Variants in SUGCT observed in about 807,000 individuals in gnomAD.
SUGCT encodes the protein succinyl-CoA:glutarate-CoA transferase.
SUGCT carries 41 observed loss-of-function variants against 55.0 expected under a neutral mutation model. The ratio of observed to expected loss-of-function variants is 0.74; its 90% CI spans 0.58 to 0.97. The LOEUF (loss-of-function observed/expected upper bound fraction) is 0.97, where lower values mean the gene tolerates loss of function less well. SUGCT is among the 50% of genes least tolerant of loss of function. The pLI, the probability that SUGCT is intolerant of heterozygous loss-of-function variation, is 0.00. For missense variants in SUGCT, 568 were observed against 547.8 expected (o/e 1.04, Z -0.37); for synonymous variants, 187 against 200.4 (o/e 0.93, Z 0.56).
chr7:40,347,205 A>G (rs1276814425), intron 9 of SUGCT, among the ~76,000 whole-genome samples: 3 of 152,214 alleles, frequency 2.0e-5, no homozygotes, highest in East Asian at 1.9e-4. Context: ...AAGAATGAGG[A>G]GAGCTGGAGA....
intron 12 of SUGCT, among the ~76,000 whole-genome samples, chr7:40,530,311 C>A (rs561699078): frequency 1.3e-5 from 2 of 152,044 alleles, no homozygotes; most frequent in South Asian, 2.1e-4. Flanking sequence ...TTTTTCCATG[C>A]CTTCACTGTT....
intron 13 of SUGCT, among the ~76,000 whole-genome samples, chr7:40,790,246 A>T (rs1790243275): frequency 6.6e-6 from 1 of 152,068 alleles, no homozygotes; most frequent in South Asian, 2.1e-4. Context: ...TTCTCACCAG[A>T]TCTGAATGTT....
At chr7:40,924,265 C>CGTGTGTAT in the SUGCT span, among the ~76,000 whole-genome samples, 67 of 136,018 alleles carry the variant, frequency 4.9e-4, 1 homozygote, top group East Asian at 4.8e-3. Flanking sequence ...CTTTCAATTA[C>CGTGTGTAT]GTGTGTGTGT....
chr7:40,368,042 C>T (rs1345436158), intron 9 of SUGCT, among the ~76,000 whole-genome samples: 1 of 152,204 alleles, frequency 6.6e-6, no homozygotes, highest in Non-Finnish European at 1.5e-5. Context: ...TAGAGCACTT[C>T]CAGCACCCCT....
chr7:40,701,639 A>G (rs1194578227), intron 12 of SUGCT, among the ~76,000 whole-genome samples: 3 of 152,232 alleles, frequency 2.0e-5, no homozygotes, highest in African/African-American at 2.4e-5. Flanking sequence ...GCACTGATAG[A>G]AGGTGAATTT....
intron 13 of SUGCT, among the ~76,000 whole-genome samples, chr7:40,773,216 C>T (rs1045927385): frequency 1.3e-5 from 2 of 151,290 alleles, no homozygotes; most frequent in Admixed American, 6.6e-5. Context: ...GCAACTTCCA[C>T]CTCCTGGGTT....
chr7:40,232,728 A>G (rs771988650), intron 6 of SUGCT, among the ~76,000 whole-genome samples: 7 of 152,198 alleles, frequency 4.6e-5, no homozygotes, highest in Non-Finnish European at 8.8e-5. Context: ...ATGCCACAAG[A>G]TGGCGAGGTT....
chr7:40,330,112 T>G (rs1796230698), intron 9 of SUGCT, among the ~76,000 whole-genome samples: 1 of 152,206 alleles, frequency 6.6e-6, no homozygotes, highest in Admixed American at 6.5e-5. Context: ...CATACAGATT[T>G]GATCTCCGTA....
intron 12 of SUGCT, among the ~76,000 whole-genome samples, chr7:40,658,687 G>A (rs1238607626): frequency 6.6e-6 from 1 of 152,162 alleles, no homozygotes; most frequent in Admixed American, 6.5e-5. Flanking sequence ...CTTGGGATAG[G>A]CTTACAATTA....
intron 7 of SUGCT, among the ~76,000 whole-genome samples, chr7:40,243,272 C>T (rs2150899789): frequency 6.6e-6 from 1 of 151,884 alleles, no homozygotes; most frequent in African/African-American, 2.4e-5. Context: ...AATATTGGCA[C>T]AGTTAAACAT....
At chr7:40,973,805 T>G in the SUGCT span, among the ~76,000 whole-genome samples, 14 of 152,212 alleles carry the variant, frequency 9.2e-5, no homozygotes, top group Admixed American at 5.2e-4. Context: ...GCCCTTGTAT[T>G]TTATTTATAT....
intron 9 of SUGCT, among the ~76,000 whole-genome samples, chr7:40,424,814 G>GT (rs1271144400): frequency 6.6e-6 from 1 of 151,938 alleles, no homozygotes; most frequent in Admixed American, 6.6e-5. Flanking sequence ...CTGAGGATTG[G>GT]TTTTTTTATG....
At chr7:40,146,580 C>T (rs779754636) in intron 1 of SUGCT, among the ~76,000 whole-genome samples, 1 of 152,226 alleles carries the variant, frequency 6.6e-6, no homozygotes, top group Admixed American at 6.5e-5. Flanking sequence ...TGGGCTCTGG[C>T]TAGTTATCTG....
intron 13 of SUGCT, among the ~76,000 whole-genome samples, chr7:40,766,222 C>T (rs2128723950): frequency 6.6e-6 from 1 of 152,194 alleles, no homozygotes; most frequent in African/African-American, 2.4e-5. Flanking sequence ...AGTTATTTAT[C>T]TATTTAGAGA....
chr7:40,926,604 G>A, the SUGCT span, among the ~76,000 whole-genome samples: 3 of 152,132 alleles, frequency 2.0e-5, no homozygotes, highest in Admixed American at 6.5e-5. Flanking sequence ...GGTCATGAAG[G>A]TCAGTCCCTC....
At chr7:40,191,773 A>C (rs189771502) in intron 5 of SUGCT, among the ~76,000 whole-genome samples, 2 of 152,280 alleles carry the variant, frequency 1.3e-5, no homozygotes, top group Non-Finnish European at 2.9e-5. Context: ...TTTTTTCTCT[A>C]GTCTTTCATA....
Position 40,141,419 on chromosome 7 carries a change from G to A in SUGCT, c.100+6299G>A, listed in dbSNP as rs186791307. ...GGAGGCTGAGGCAGATGGATCACAA[G>A]GTTAGGAGTTCGAGACCAGCCTGGC... On this transcript the variant is annotated intron_variant, in intron 1 of 13. Transcript: ENST00000335693. Among the ~76,000 whole-genome samples the A allele has an allele frequency of 2.0e-5, 3 of 152,186 alleles. No homozygotes were observed. The East Asian group carries it at 5.8e-4, about 29-fold the overall frequency.
chr7:40,766,448 G>A (rs1199601845), intron 13 of SUGCT, among the ~76,000 whole-genome samples: 1 of 152,116 alleles, frequency 6.6e-6, no homozygotes, highest in Non-Finnish European at 1.5e-5. Context: ...GACCTCAGGT[G>A]ATCCACCTGC....
intron 12 of SUGCT, among the ~76,000 whole-genome samples, chr7:40,631,473 A>G (rs1303462345): frequency 6.6e-6 from 1 of 152,232 alleles, no homozygotes; most frequent in Non-Finnish European, 1.5e-5. Context: ...GTTTTCACTC[A>G]TCAAAGAACT....
Sources: allele counts gnomAD v4.1 joint callset (sites outside exome capture counted in the v4.1 genomes callset), GRCh38; gene constraint gnomAD v4.1.1; transcripts MANE v1.5; gene names NCBI Gene and HGNC (gene_info 2026-07-23, HGNC 2026-07-21).